Variants in APC observed in about 807,000 individuals in gnomAD.
APC encodes APC regulator of Wnt signaling pathway.
In APC, 72 loss-of-function variants were observed where a neutral mutation model predicts 247.0. The observed-to-expected ratio is 0.29, with a 90% CI of 0.24 to 0.35. The LOEUF is 0.35. Ranked by LOEUF, APC falls within the 10% of genes least tolerant of loss-of-function variation. The pLI, the probability that APC is intolerant of heterozygous loss-of-function variation, is 1.00. For synonymous variants in APC, 1,254 were observed against 1,162.5 expected (o/e 1.08, Z -1.60); for missense variants, 3,400 against 3,360.7 (o/e 1.01, Z -0.29).
chr5:112,841,346 A>G lies in APC; in HGVS notation c.5752A>G (p.Ile1918Val), dbSNP rs776966222. ...GACACAAGCTATTGCAAAGCAGCCA[A>G]TAAATCGAGGTCAGCCTAAACCCAT... ...NKTQAIAKQP[I>V]NRGQPKPILQ... The change falls in exon 16 of 16, where the codon ATA becomes GTA. Residue 1918 changes from isoleucine to valine, a missense_variant. Coordinates refer to ENST00000257430, the MANE Select transcript of APC (RefSeq NM_000038.6). The surrounding 1 kb of genome is among the most constrained non-coding windows in gnomAD (Gnocchi z 4.6). The G allele has an allele frequency of 1.8e-5, 29 of 1,613,848 alleles. No individual in the cohort carries two copies. Among genetic ancestry groups the G allele is most frequent in the East Asian group, 6.7e-5 (3 of 44,882 alleles).
chr5:112,733,088 C>T (rs115562244), upstream of APC, among the ~76,000 whole-genome samples: 2,091 of 152,290 alleles, frequency 0.014, 61 homozygotes, highest in African/African-American at 0.047. Context: ...TCTCCATATG[C>T]TGGAGCCTTC....
At chr5:112,814,801 T>G (rs1472195242) in intron 8 of APC, among the ~76,000 whole-genome samples, 1 of 152,198 alleles carries the variant, frequency 6.6e-6, no homozygotes, top group Non-Finnish European at 1.5e-5. Flanking sequence ...ACCATACACC[T>G]TGTGTTCTGT....
At chr5:112,743,459 T>C (rs1447408484) in intron 1 of APC, among the ~76,000 whole-genome samples, 4 of 152,246 alleles carry the variant, frequency 2.6e-5, no homozygotes, top group African/African-American at 9.6e-5. Context: ...TTATTTTTAC[T>C]TTTGCGAATG....
intron 1 of APC, among the ~76,000 whole-genome samples, chr5:112,708,089 G>C (rs1488019220): frequency 6.6e-6 from 1 of 152,164 alleles, no homozygotes; most frequent in Non-Finnish European, 1.5e-5. Context: ...AGTGGATGGG[G>C]GTCGCGACGC....
At chr5:112,726,513 G>T (rs746339410) in intron 1 of APC, among the ~76,000 whole-genome samples, 3 of 152,098 alleles carry the variant, frequency 2.0e-5, no homozygotes. Context: ...TTGTCTCCTT[G>T]TGGAGCAGGG....
intron 11 of APC, among the ~76,000 whole-genome samples, chr5:112,825,009 G>A (rs1451417586): frequency 6.6e-6 from 1 of 152,052 alleles, no homozygotes; most frequent in Non-Finnish European, 1.5e-5. Flanking sequence ...TCCCTTAGGT[G>A]GTATTTTAGA....
intron 1 of APC, among the ~76,000 whole-genome samples, chr5:112,745,677 A>AC (rs1030012226): frequency 4.7e-5 from 7 of 149,208 alleles, no homozygotes; most frequent in African/African-American, 1.7e-4. Context: ...TGTCTTAGCG[A>AC]CCCCCCCACC....
rs786203342 is a variant in APC at position 112,841,657 on chromosome 5, C to T, written c.6063C>T (p.Phe2021=). The T allele has an allele frequency of 3.1e-5, 50 of 1,613,610 alleles. No individual in the cohort carries two copies. Among genetic ancestry groups the T allele is most frequent in the Non-Finnish European group, 4.0e-5 (47 of 1,179,646 alleles). ...SFHVEDTPVC[F]SRNSSLSSLS... is the part of the protein sequence containing the mutation. ...ATGTTGAAGATACCCCAGTTTGTTTCTCAAGAAACAGTTCTCTCAGTTCTC... is the reference window on the plus strand; with the variant it reads ...ATGTTGAAGATACCCCAGTTTGTTTTTCAAGAAACAGTTCTCTCAGTTCTC... Residue 2021 remains phenylalanine (F), a synonymous_variant, in exon 16 of 16, where the codon TTC becomes TTT. Coordinates refer to ENST00000257430, the MANE Select transcript of APC (RefSeq NM_000038.6). This position sits in a 1 kb window ranked among gnomAD's most constrained non-coding sequence, Gnocchi z 4.6.
At chr5:112,795,842 C>T (rs868052649) in intron 7 of APC, among the ~76,000 whole-genome samples, 8 of 152,110 alleles carry the variant, frequency 5.3e-5, no homozygotes, top group African/African-American at 1.7e-4. Flanking sequence ...CAACTCAAGA[C>T]CCAGGGGATA....
intron 8 of APC, among the ~76,000 whole-genome samples, chr5:112,808,324 C>A (rs1053581489): frequency 1.1e-4 from 17 of 152,124 alleles, no homozygotes; most frequent in African/African-American, 2.9e-4. Context: ...CAGATAAGGT[C>A]CATGAATAGG....
chr5:112,726,664 A>C (rs1008642844), intron 1 of APC, among the ~76,000 whole-genome samples: 2 of 151,682 alleles, frequency 1.3e-5, no homozygotes, highest in African/African-American at 4.9e-5. Context: ...CTGGAGAGCT[A>C]CCCTCCTCTA....
intron 4 of APC, among the ~76,000 whole-genome samples, chr5:112,770,446 C>T (rs1756909584): frequency 6.6e-6 from 1 of 152,068 alleles, no homozygotes; most frequent in East Asian, 1.9e-4. Flanking sequence ...TCTGTTGTTA[C>T]TGTAGAAAAG....
intron 7 of APC, 97 bp from the exon 8 acceptor site, chr5:112,801,182 T>C: frequency 1.2e-6 from 1 of 809,490 alleles, no homozygotes; most frequent in Non-Finnish European, 2.1e-6. Context: ...GTATAATTGA[T>C]GCATTCAGAG....
intron 14 of APC, among the ~76,000 whole-genome samples, chr5:112,831,294 A>G (rs1314911303): frequency 6.6e-6 from 1 of 152,116 alleles, no homozygotes; most frequent in Non-Finnish European, 1.5e-5. Context: ...TTTTTAGTAG[A>G]GACGGGGTTT....
In APC at chr5:112,844,158, A is replaced by T. The variant is rs201206901; in HGVS notation, c.*32A>T. The T allele has an allele frequency of 6.4e-7, 1 of 1,571,820 alleles. No individual in the cohort carries two copies. Among genetic ancestry groups the T allele is most frequent in the Non-Finnish European group, 8.7e-7 (1 of 1,143,252 alleles). On this transcript the variant is annotated 3_prime_UTR_variant, in exon 16 of 16. Coordinates refer to ENST00000257430, the MANE Select transcript of APC (RefSeq NM_000038.6). ...GGAAGAATGAAACTAAGAAAATTCT[A>T]TGTTAATTACAACTGCTATATAGAC... is the stretch of plus-strand genomic sequence containing the variant.
intron 2 of APC, among the ~76,000 whole-genome samples, chr5:112,756,576 C>T (rs1755012085): frequency 6.6e-6 from 1 of 152,182 alleles, no homozygotes; most frequent in Non-Finnish European, 1.5e-5. Context: ...CAGAGAACTC[C>T]TCCTGGCAGG....
intron 8 of APC, among the ~76,000 whole-genome samples, chr5:112,811,906 C>T (rs1274242513): frequency 6.6e-6 from 1 of 152,154 alleles, no homozygotes; most frequent in Non-Finnish European, 1.5e-5. Flanking sequence ...GCTGGGGTTG[C>T]AGTCATCTCC....
At chr5:112,802,054 A>G (rs536656452) in intron 8 of APC, among the ~76,000 whole-genome samples, 6 of 152,210 alleles carry the variant, frequency 3.9e-5, no homozygotes, top group Non-Finnish European at 7.4e-5. Flanking sequence ...GTATTCTCCA[A>G]ATTTTCTTCA....
At chr5:112,716,892 A>C (rs1751201594) in intron 1 of APC, among the ~76,000 whole-genome samples, 1 of 152,222 alleles carries the variant, frequency 6.6e-6, no homozygotes, top group Non-Finnish European at 1.5e-5. Context: ...TATTCTAGAA[A>C]TTGCTATCTA....
Sources: gnomAD v4.1 joint callset for allele counts (sites outside exome capture counted in the v4.1 genomes callset) on GRCh38, gnomAD v4.1.1 for gene constraint, Gnocchi (gnomAD v3.1) non-coding constraint, MANE v1.5 for transcripts, NCBI Gene and HGNC (gene_info 2026-07-23, HGNC 2026-07-21) for gene names.